FGGY: variants seen among roughly 807,000 people sequenced by gnomAD.
The protein encoded by FGGY is FGGY carbohydrate kinase domain containing, also known as FGGY carbohydrate kinase domain-containing protein.
A neutral mutation model predicts 71.3 loss-of-function variants in FGGY; 72 were observed. The ratio of observed to expected loss-of-function variants is 1.01; its 90% CI spans 0.84 to 1.23. The LOEUF is 1.23. Ranked by LOEUF, FGGY falls within the 50% of genes most tolerant of loss-of-function variation. The pLI, the probability that FGGY is intolerant of heterozygous loss-of-function variation, is 0.00. For missense variants in FGGY, 668 were observed against 682.3 expected, an observed-to-expected ratio of 0.98 and a Z score of 0.23; for synonymous variants, 251 against 250.3, an observed-to-expected ratio of 1.00 and a Z score of -0.02.
chr1:59,434,052 C>T (rs1446882602), intron 5 of FGGY, among the ~76,000 whole-genome samples: 1 of 152,186 alleles, frequency 6.6e-6, no homozygotes, highest in South Asian at 2.1e-4. Flanking sequence ...CCTACCTGTC[C>T]TGTCTACCTC....
intron 5 of FGGY, among the ~76,000 whole-genome samples, chr1:59,409,077 C>A (rs1302702957): frequency 6.6e-6 from 1 of 152,094 alleles, no homozygotes; most frequent in Non-Finnish European, 1.5e-5. Flanking sequence ...CCTCTTTTGT[C>A]CTTAGATTTT....
Position 59,340,709 on chromosome 1 carries a change from C to T in FGGY, c.313+640C>T, listed in dbSNP as rs551224537. ...CCTTTTGGGGAATTTTAGCCAATAA[C>T]GTTTGTACTGGGGTTACAAACCCGA... On this transcript the variant is annotated intron_variant, in intron 3 of 15. Transcript: ENST00000303721. Among the ~76,000 whole-genome samples the T allele has an allele frequency of 3.9e-5, 6 of 152,198 alleles. No homozygotes were observed. The South Asian group carries it at 1.0e-3, about 26-fold the overall frequency.
intron 7 of FGGY, among the ~76,000 whole-genome samples, chr1:59,529,704 C>T (rs2095088316): frequency 2.0e-5 from 3 of 152,114 alleles, no homozygotes; most frequent in South Asian, 4.1e-4. Flanking sequence ...TCCCTGGAGG[C>T]ATTGGCAAAT....
At chr1:59,716,239 C>A (rs1047371581) in intron 14 of FGGY, among the ~76,000 whole-genome samples, 1 of 152,208 alleles carries the variant, frequency 6.6e-6, no homozygotes, top group African/African-American at 2.4e-5. Context: ...ACCTAGCACA[C>A]AGGAGATACT....
At chr1:59,319,096 C>T (rs1312394287) in intron 1 of FGGY, among the ~76,000 whole-genome samples, 2 of 152,190 alleles carry the variant, frequency 1.3e-5, no homozygotes, top group East Asian at 3.9e-4. Flanking sequence ...TCAGATGTCA[C>T]TGATTGCAAG....
intron 8 of FGGY, among the ~76,000 whole-genome samples, chr1:59,575,156 C>T (rs551027909): frequency 2.0e-5 from 3 of 152,058 alleles, no homozygotes; most frequent in Non-Finnish European, 2.9e-5. Context: ...TTCAAATATA[C>T]AATACATTTT....
chr1:59,676,754 C>G (rs2097439629), intron 14 of FGGY, among the ~76,000 whole-genome samples: 1 of 152,064 alleles, frequency 6.6e-6, no homozygotes. Context: ...TCCTATTCAA[C>G]CCAAGGATGT....
rs552777645 is a variant in FGGY at position 59,370,639 on chromosome 1, T to G, written c.466-8110T>G. ...CAAAGTTGAAATGAAGGAAAAAATG[T>G]TAAGGGCAGCCAGAGAGAAAGGTCA... On this transcript the variant is annotated intron_variant, in intron 4 of 15. Coordinates refer to ENST00000303721, the MANE Select transcript of FGGY (RefSeq NM_018291.5). Among the ~76,000 whole-genome samples, 279 of 151,652 alleles carry G rather than the reference T, an allele frequency of 1.8e-3. 1 individual carries two copies. The highest frequency in any genetic ancestry group is 6.5e-3 in the African/African-American group (269 of 41,320).
At chr1:59,733,510 G>A (rs993631057) in intron 14 of FGGY, among the ~76,000 whole-genome samples, 2 of 151,834 alleles carry the variant, frequency 1.3e-5, no homozygotes, top group African/African-American at 4.8e-5. Context: ...CACATCTCAG[G>A]TGTAAATGCC....
At chr1:59,532,982 A>C (rs2153666843) in intron 7 of FGGY, among the ~76,000 whole-genome samples, 1 of 152,346 alleles carries the variant, frequency 6.6e-6, no homozygotes, top group African/African-American at 2.4e-5. Flanking sequence ...ACCATTTAGA[A>C]AATAAAAATT....
intron 11 of FGGY, among the ~76,000 whole-genome samples, chr1:59,645,905 C>T (rs1296442569): frequency 1.3e-5 from 2 of 152,220 alleles, no homozygotes; most frequent in Non-Finnish European, 2.9e-5. Flanking sequence ...TGACTTCTAA[C>T]ATCAGAGCGT....
intron 9 of FGGY, among the ~76,000 whole-genome samples, chr1:59,612,836 G>A (rs2096704173): frequency 6.6e-6 from 1 of 152,030 alleles, no homozygotes; most frequent in South Asian, 2.1e-4. Flanking sequence ...AAAAAGGCAG[G>A]GGTTGCAATC....
At chr1:59,562,888 G>A (rs2095815082) in intron 8 of FGGY, among the ~76,000 whole-genome samples, 2 of 152,150 alleles carry the variant, frequency 1.3e-5, no homozygotes, top group Non-Finnish European at 2.9e-5. Flanking sequence ...AATATGTACA[G>A]TTTATTGAAA....
At chr1:59,462,682 A>C (rs1375104404) in intron 6 of FGGY, among the ~76,000 whole-genome samples, 2 of 152,260 alleles carry the variant, frequency 1.3e-5, no homozygotes, top group Non-Finnish European at 2.9e-5. Context: ...GAAGACATTT[A>C]TGCAGCCAAA....
At chr1:59,655,355 C>A (rs528261239) in intron 11 of FGGY, among the ~76,000 whole-genome samples, 1 of 152,298 alleles carries the variant, frequency 6.6e-6, no homozygotes, top group East Asian at 1.9e-4. Flanking sequence ...TGGTTTGCTG[C>A]ACCTATCAAC....
At chr1:59,629,641 T>C (rs2096890219) in intron 10 of FGGY, among the ~76,000 whole-genome samples, 1 of 152,208 alleles carries the variant, frequency 6.6e-6, no homozygotes, top group South Asian at 2.1e-4. Context: ...TGCATGTATT[T>C]CTGTGAAGGG....
chr1:59,459,155 C>A (rs2091969554), intron 6 of FGGY, among the ~76,000 whole-genome samples: 1 of 152,180 alleles, frequency 6.6e-6, no homozygotes, highest in Non-Finnish European at 1.5e-5. Flanking sequence ...TAAATAAATG[C>A]TTTCCCTGAA....
chr1:59,509,941 A>G (rs2094478587), intron 6 of FGGY, among the ~76,000 whole-genome samples: 1 of 152,186 alleles, frequency 6.6e-6, no homozygotes, highest in Non-Finnish European at 1.5e-5. Context: ...AAGGTGGAAC[A>G]GAATTTCCAT....
chr1:59,708,982 A>ATTTTGGATAAATTTAGTTTAAAAT (rs2154025391), intron 14 of FGGY, among the ~76,000 whole-genome samples: 2 of 152,340 alleles, frequency 1.3e-5, no homozygotes, highest in East Asian at 3.9e-4. Flanking sequence ...TAAGGGCTCA[A>ATTTTGGATAAATTTAGTTTAAAAT]CCTTTTAAAC....
Sources: gnomAD v4.1 joint callset for allele counts (sites outside exome capture counted in the v4.1 genomes callset) on GRCh38, gnomAD v4.1.1 for gene constraint, MANE v1.5 for transcripts, NCBI Gene and HGNC (gene_info 2026-07-23, HGNC 2026-07-21) for gene names.